The following ATP2B2 variants were observed in gnomAD, a reference collection of about 807,000 sequenced individuals.
ATP2B2 encodes the protein plasma membrane calcium-transporting ATPase 2.
In ATP2B2, 15 loss-of-function variants were observed where a neutral mutation model predicts 120.0. The ratio of observed to expected loss-of-function variants is 0.12; its 90% confidence interval spans 0.08 to 0.19. The LOEUF is 0.19. ATP2B2 is among the 10% of genes least tolerant of loss of function. The probability of loss-of-function intolerance (pLI) is 1.00; values close to 1 mark genes in which losing one functional copy is unlikely to be tolerated. For synonymous variants in ATP2B2, 694 were observed against 700.3 expected (o/e 0.99, Z 0.14); for missense variants, 1,045 against 1,719.8 (o/e 0.61, Z 6.94).
At chr3:10,362,664 CG>C (rs551655296) in intron 12 of ATP2B2, among the ~76,000 whole-genome samples, 45 of 152,258 alleles carry the variant, frequency 3.0e-4, no homozygotes, top group African/African-American at 1.0e-3. Context: ...AGCACCTCCC[CG>C]GCTCCCATGG....
intron 1 of ATP2B2, among the ~76,000 whole-genome samples, chr3:10,486,868 A>C (rs573026585): frequency 8.6e-4 from 131 of 151,948 alleles, no homozygotes; most frequent in African/African-American, 2.9e-3. Context: ...TACAGGTGCG[A>C]GCCACCACAC....
intron 22 of ATP2B2, among the ~76,000 whole-genome samples, chr3:10,333,985 A>G (rs2060049762): frequency 6.6e-6 from 1 of 152,250 alleles, no homozygotes; most frequent in South Asian, 2.1e-4. Context: ...AGAAAAGGGC[A>G]TTTCTGCAAA....
chr3:10,617,111 T>C (rs1161315015), intron 2 of ATP2B2, among the ~76,000 whole-genome samples: 2 of 152,352 alleles, frequency 1.3e-5, no homozygotes, highest in East Asian at 3.9e-4. Flanking sequence ...CATTGTTTCC[T>C]ATTGTTAACT....
chr3:10,428,629 T>C (rs996264015), intron 2 of ATP2B2, among the ~76,000 whole-genome samples: 26 of 152,222 alleles, frequency 1.7e-4, no homozygotes, highest in Admixed American at 1.0e-3. Context: ...AATGTTCCCA[T>C]TGAGCCCTCA....
chr3:10,555,704 G>T (rs536896179), intron 2 of ATP2B2, among the ~76,000 whole-genome samples: 1 of 152,332 alleles, frequency 6.6e-6, no homozygotes, highest in South Asian at 2.1e-4. Flanking sequence ...TGGGGCTGGT[G>T]GGGAGAAGCC....
chr3:10,489,466 C>T (rs554214282), intron 1 of ATP2B2, among the ~76,000 whole-genome samples: 14 of 152,286 alleles, frequency 9.2e-5, no homozygotes, highest in Admixed American at 2.6e-4. Context: ...ATGCCTTTTG[C>T]CAGTGGTTCC....
chr3:10,652,251 G>C (rs2070487056), intron 1 of ATP2B2, among the ~76,000 whole-genome samples: 1 of 152,062 alleles, frequency 6.6e-6, no homozygotes, highest in African/African-American at 2.4e-5. Flanking sequence ...AGATCAGAGG[G>C]GCAGACACCT....
At chr3:10,471,465 TC>T in intron 1 of ATP2B2, among the ~76,000 whole-genome samples, 1 of 151,788 alleles carries the variant, frequency 6.6e-6, no homozygotes. Flanking sequence ...CTAGGAAGCC[TC>T]TTACTGGAGG....
Position 10,620,707 on chromosome 3 carries a change from G to A in ATP2B2, c.-459-746C>T, listed in dbSNP as rs79796437. On this transcript the variant is annotated intron_variant, in intron 1 of 21. Coordinates refer to the ATP2B2 transcript ENST00000646379. ...CCAAGGTACCCTGACCCTGAGGGAG[G>A]GAGCTGGGAGGCTACACATACTCTA... 5.0e-3 allele frequency among the ~76,000 whole-genome samples: 758 copies of A among 152,212 alleles called. 5 individuals carry two copies. The highest frequency in any genetic ancestry group is 0.018 in the African/African-American group (738 of 41,534).
intron 1 of ATP2B2, among the ~76,000 whole-genome samples, chr3:10,633,277 T>C (rs1432542725): frequency 2.0e-5 from 3 of 152,192 alleles, no homozygotes; most frequent in African/African-American, 7.2e-5. Flanking sequence ...ATGAATGCTA[T>C]TTCTCCCACC....
At chr3:10,641,570 A>C (rs2070172729) in intron 1 of ATP2B2, among the ~76,000 whole-genome samples, 1 of 152,220 alleles carries the variant, frequency 6.6e-6, no homozygotes, top group Non-Finnish European at 1.5e-5. Flanking sequence ...TCAAAGAGAA[A>C]ACATCCAGGG....
chr3:10,390,229 G>A (rs2061804024), intron 5 of ATP2B2, among the ~76,000 whole-genome samples: 2 of 152,038 alleles, frequency 1.3e-5, no homozygotes, highest in South Asian at 2.1e-4. Context: ...TCGAGACTAG[G>A]TGCCACTTCT....
intron 1 of ATP2B2, among the ~76,000 whole-genome samples, chr3:10,479,806 C>A (rs2065339312): frequency 6.6e-6 from 1 of 152,080 alleles, no homozygotes; most frequent in Non-Finnish European, 1.5e-5. Context: ...AATAAAAAGC[C>A]TAATTCTGGC....
rs151079999 is a variant in ATP2B2, at chr3:10,343,736, C to T, written c.2704-771G>A. On this transcript the variant is annotated intron_variant, in intron 18 of 22. Coordinates refer to ENST00000360273, the MANE Select transcript of ATP2B2 (RefSeq NM_001001331.4). This position sits in a 1 kb window ranked among gnomAD's most constrained non-coding sequence, Gnocchi z 4.2. ...GCCCACGTCACCAGCACCTTCTGTG[C>T]CACGAGTTGCAGGACCTCTTCTCGG... is the stretch of plus-strand genomic sequence containing the variant. Among the ~76,000 whole-genome samples the T allele has an allele frequency of 2.6e-5, 4 of 152,250 alleles. No individual in the cohort carries two copies. The highest frequency in any genetic ancestry group is 6.5e-5 in the Admixed American group (1 of 15,298).
intron 2 of ATP2B2, among the ~76,000 whole-genome samples, chr3:10,560,373 G>C (rs562717608): frequency 6.6e-6 from 1 of 152,272 alleles, no homozygotes; most frequent in Non-Finnish European, 1.5e-5. Context: ...GCCAACCTGG[G>C]GTACCTCACT....
intron 9 of ATP2B2, among the ~76,000 whole-genome samples, chr3:10,378,860 T>G (rs116384698): frequency 6.6e-6 from 1 of 152,182 alleles, no homozygotes; most frequent in Non-Finnish European, 1.5e-5. Flanking sequence ...AGGGCAGCCA[T>G]GGGAGCCAAG....
chr3:10,509,453 C>T (rs1345123749), upstream of ATP2B2, among the ~76,000 whole-genome samples: 1 of 152,096 alleles, frequency 6.6e-6, no homozygotes, highest in African/African-American at 2.4e-5. Context: ...TCCTCTGACC[C>T]CCACAGATCA....
intron 2 of ATP2B2, among the ~76,000 whole-genome samples, chr3:10,431,597 T>C (rs1037048303): frequency 1.3e-5 from 2 of 152,184 alleles, no homozygotes; most frequent in East Asian, 1.9e-4. Context: ...TTTTTGCTTG[T>C]CACACGCACA....
chr3:10,653,848 G>A (rs957487852), intron 1 of ATP2B2, among the ~76,000 whole-genome samples: 5 of 151,976 alleles, frequency 3.3e-5, no homozygotes, highest in Non-Finnish European at 5.9e-5. Flanking sequence ...ACTTTTTCTC[G>A]TGTTCTATAC....
Sources: allele counts gnomAD v4.1 joint callset (sites outside exome capture counted in the v4.1 genomes callset), GRCh38; gene constraint gnomAD v4.1.1; non-coding constraint Gnocchi (gnomAD v3.1); transcripts MANE v1.5; gene names NCBI Gene and HGNC (gene_info 2026-07-23, HGNC 2026-07-21).